Variants in DOCK11 observed in about 807,000 individuals in gnomAD.
The protein encoded by DOCK11 is dedicator of cytokinesis protein 11.
In DOCK11, 70 loss-of-function variants were observed where a neutral mutation model predicts 169.1. That is an observed-to-expected ratio of 0.41 (90% CI 0.34 to 0.51). The LOEUF (loss-of-function observed/expected upper bound fraction) is 0.51, where lower values mean the gene tolerates loss of function less well. Ranked by LOEUF, DOCK11 falls within the 20% of genes least tolerant of loss-of-function variation. The probability of loss-of-function intolerance (pLI) is 0.10; values close to 1 mark genes in which losing one functional copy is unlikely to be tolerated. For synonymous variants in DOCK11, 529 were observed against 541.3 expected, an observed-to-expected ratio of 0.98 and a Z score of 0.32; for missense variants, 1,166 against 1,538.8, an observed-to-expected ratio of 0.76 and a Z score of 4.05.
intron 32 of DOCK11, among the ~76,000 whole-genome samples, chrX:118,626,807 AT>A: frequency 8.9e-6 from 1 of 112,481 alleles, no homozygotes; most frequent in Middle Eastern, 4.6e-3. Context: ...CTCCACATAG[AT>A]TTGACAGCAT....
chrX:118,663,009 G>A (rs1044382722), intron 45 of DOCK11, among the ~76,000 whole-genome samples: 2 of 112,013 alleles, frequency 1.8e-5, no homozygotes, highest in Non-Finnish European at 3.8e-5. Context: ...AGCATTTGCC[G>A]TCCTCAAGTC....
chrX:118,596,878 CT>C (rs2014183318), intron 20 of DOCK11, among the ~76,000 whole-genome samples: 1 of 111,869 alleles, frequency 8.9e-6, no homozygotes, highest in Non-Finnish European at 1.9e-5. Flanking sequence ...TGATTTATGC[CT>C]ACTGCCTTGT....
chrX:118,598,228 T>A (rs1603103399), intron 22 of DOCK11, 112 bp downstream of exon 22: 2 of 508,815 alleles, frequency 3.9e-6, no homozygotes, highest in East Asian at 7.5e-5. Flanking sequence ...CAAGATTTTC[T>A]CATTAGTAAT....
In DOCK11 at chrX:118,561,493, G is replaced by A; in HGVS notation, c.669G>A (p.Leu223=). 1 of 1,201,721 alleles carries A rather than the reference G, an allele frequency of 8.3e-7. No individual in the cohort carries two copies. Among genetic ancestry groups the A allele is most frequent in the African/African-American group, 1.7e-5 (1 of 57,390 alleles). ...AAGAATCGAAAGGTTGCATCTACTT[G>A]GACGCCTGCATTGATGTTGTTCAGG... ...NSKESKGCIY[L]DACIDVVQCP... Residue 223 remains leucine, a synonymous_variant, in exon 7 of 53, where the codon TTG becomes TTA. Transcript: ENST00000276202.
intron 1 of DOCK11, among the ~76,000 whole-genome samples, chrX:118,519,096 A>G (rs1264759943): frequency 8.9e-6 from 1 of 111,956 alleles, no homozygotes; most frequent in African/African-American, 3.3e-5. Context: ...CATCTCGATA[A>G]TTTGGAAGCT....
Position 118,526,936 on chromosome X carries a change from C to T in DOCK11, c.103-15789C>T, listed in dbSNP as rs150553639. Among the ~76,000 whole-genome samples, 16 of 111,909 alleles carry T rather than the reference C, an allele frequency of 1.4e-4. No homozygotes were observed. In the South Asian group the frequency reaches 4.0e-3, roughly 28 times the overall value. ...TATGTAAGCAGCAGTGAAGTAATTA[C>T]ACCAATCTTCCTCCTTAAACACGAT... On this transcript the variant is annotated intron_variant, in intron 1 of 52. Transcript: ENST00000276202.
At chrX:118,538,611 T>G in intron 1 of DOCK11, 2 of 605,730 alleles carry the variant, frequency 3.3e-6, no homozygotes, top group South Asian at 1.7e-4. Context: ...ATATGCTCAC[T>G]TCTCTCCAGA....
intron 28 of DOCK11, among the ~76,000 whole-genome samples, chrX:118,611,785 C>T (rs933181095): frequency 3.6e-5 from 4 of 110,920 alleles, no homozygotes; most frequent in Non-Finnish European, 5.7e-5. Flanking sequence ...GACAGAGTCT[C>T]GCTCTGTCAC....
At chrX:118,640,645 G>A (rs73587396) in intron 38 of DOCK11, among the ~76,000 whole-genome samples, 1,597 of 112,021 alleles carry the variant, frequency 0.014, 39 homozygotes, top group African/African-American at 0.049. Context: ...TAGTTACATC[G>A]CCAGAGTTCA....
rs746170179 is a variant in DOCK11, at chrX:118,614,147, C to A, written c.3097-545C>A. Among the ~76,000 whole-genome samples, 10 of 111,339 alleles carry A rather than the reference C, an allele frequency of 9.0e-5. 1 individual carries two copies. The highest frequency in any genetic ancestry group is 1.9e-4 in the Non-Finnish European group (10 of 53,020). ...CCTTAACTAGGACAATGACAGTGGG[C>A]AAATATAAATAACTTGGGGCTGTCA... On this transcript the variant is annotated intron_variant, in intron 28 of 52. Transcript: ENST00000276202.
intron 1 of DOCK11, among the ~76,000 whole-genome samples, chrX:118,512,075 G>A (rs2081338557): frequency 8.9e-6 from 1 of 111,770 alleles, no homozygotes; most frequent in South Asian, 3.8e-4. Flanking sequence ...CGCCATGCGT[G>A]TATTTTAGTA....
chrX:118,647,577 CATATA>C (rs2015727846), intron 40 of DOCK11, among the ~76,000 whole-genome samples: 3 of 55,398 alleles, frequency 5.4e-5, no homozygotes, highest in African/African-American at 7.4e-5. Context: ...AATATATTAA[CATATA>C]ATATATCTTA....
chrX:118,662,916 A>G, intron 45 of DOCK11, 124 bp downstream of exon 45: 1 of 475,612 alleles, frequency 2.1e-6, no homozygotes, highest in Non-Finnish European at 3.7e-6. Context: ...AACTTTAAGT[A>G]TTAAAACTGT....
intron 1 of DOCK11, among the ~76,000 whole-genome samples, chrX:118,496,772 C>G (rs1285641851): frequency 9.0e-6 from 1 of 111,342 alleles, no homozygotes; most frequent in African/African-American, 3.3e-5. Flanking sequence ...CTCGGGGACA[C>G]GCGAGCGCTC....
intron 1 of DOCK11, among the ~76,000 whole-genome samples, chrX:118,529,434 G>A (rs190133793): frequency 8.9e-6 from 1 of 112,541 alleles, no homozygotes; most frequent in East Asian, 2.8e-4. Flanking sequence ...CCTTTGGACA[G>A]CTACCCTAAT....
chrX:118,579,399 A>G (rs745469472), intron 13 of DOCK11, among the ~76,000 whole-genome samples: 2 of 92,620 alleles, frequency 2.2e-5, no homozygotes, highest in Non-Finnish European at 4.2e-5. Flanking sequence ...CATTAGTAGC[A>G]CTCCAGCTAC....
At chrX:118,543,395 A>G (rs1021922582) in intron 3 of DOCK11, 116 bp from the exon 4 acceptor site, 14 of 539,894 alleles carry the variant, frequency 2.6e-5, no homozygotes, top group Non-Finnish European at 4.0e-5. Flanking sequence ...AGATCCCAGT[A>G]CTAGTAATTG....
At position 118,648,937 on chromosome X, in the gene DOCK11, T is replaced by A; in HGVS notation, c.4399-8T>A. On this transcript the variant is annotated splice_polypyrimidine_tract_variant and splice_region_variant and intron_variant, in intron 40 of 52. Transcript: ENST00000276202. Reference sequence around the variant, plus strand: ...TAAATACTTATTTCTGTTTTCCCTGTTCTTTAGTTTCCTTCAGCATTTTTC... The same window carrying A: ...TAAATACTTATTTCTGTTTTCCCTGATCTTTAGTTTCCTTCAGCATTTTTC... 1 of 1,169,012 alleles carries A rather than the reference T, an allele frequency of 8.6e-7. No individual in the cohort carries two copies.
chrX:118,675,183 A>G (rs2016580324), intron 46 of DOCK11, among the ~76,000 whole-genome samples: 1 of 112,190 alleles, frequency 8.9e-6, no homozygotes, highest in South Asian at 3.7e-4. Flanking sequence ...GGAAGTGCGG[A>G]AAAACATATC....
Sources: gnomAD v4.1 joint callset for allele counts (sites outside exome capture counted in the v4.1 genomes callset) on GRCh38, gnomAD v4.1.1 for gene constraint, MANE v1.5 for transcripts, NCBI Gene and HGNC (gene_info 2026-07-23, HGNC 2026-07-21) for gene names.